Variants in PRKCE observed in about 807,000 individuals in gnomAD.
PRKCE encodes the protein protein kinase C epsilon, also known as protein kinase C epsilon type.
PRKCE carries 16 observed loss-of-function variants against 85.4 expected under a neutral mutation model. That is an observed-to-expected ratio of 0.19 (90% CI 0.13 to 0.28). The LOEUF is 0.28. Ranked by LOEUF, PRKCE falls within the 10% of genes least tolerant of loss-of-function variation. The pLI, the probability that PRKCE is intolerant of heterozygous loss-of-function variation, is 1.00. For missense variants in PRKCE, 573 were observed against 975.2 expected (o/e 0.59, Z 5.49); for synonymous variants, 388 against 371.5 (o/e 1.04, Z -0.51).
At chr2:45,886,403 G>T (rs1695307479) in intron 2 of PRKCE, among the ~76,000 whole-genome samples, 2 of 152,218 alleles carry the variant, frequency 1.3e-5, no homozygotes, top group Non-Finnish European at 2.9e-5. Flanking sequence ...ATGAGATTGT[G>T]TGAAGAGGAT....
At chr2:45,995,393 C>A (rs1273703459) in intron 6 of PRKCE, among the ~76,000 whole-genome samples, 1 of 152,018 alleles carries the variant, frequency 6.6e-6, no homozygotes, top group Non-Finnish European at 1.5e-5. Flanking sequence ...CATGTCCATG[C>A]ATCATGGTGT....
chr2:46,110,334 T>G (rs370922484), intron 11 of PRKCE, among the ~76,000 whole-genome samples: 1 of 152,132 alleles, frequency 6.6e-6, no homozygotes, highest in African/African-American at 2.4e-5. Flanking sequence ...CTTTCTTTTT[T>G]GGGGGAGATT....
chr2:46,085,026 A>G (rs989436244), intron 10 of PRKCE, among the ~76,000 whole-genome samples: 6 of 151,836 alleles, frequency 4.0e-5, no homozygotes, highest in Non-Finnish European at 8.8e-5. Flanking sequence ...CATTTTGTCC[A>G]TTTCCCATCT....
In PRKCE at chr2:45,905,960, C is replaced by T. The variant is rs911094879; in HGVS notation, c.412+62897C>T. On this transcript the variant is annotated intron_variant, in intron 2 of 14. Coordinates refer to ENST00000306156, the MANE Select transcript of PRKCE (RefSeq NM_005400.3). This position sits in a 1 kb window ranked among gnomAD's most constrained non-coding sequence, Gnocchi z 4.4. ...CACATGAAGGGCCGGGGTGGGCAGG[C>T]TATCTTCAGCGGTGATGCGCTTTCA... Among the ~76,000 whole-genome samples, 1 of 152,200 alleles carries T rather than the reference C, an allele frequency of 6.6e-6. No homozygotes were observed.
In PRKCE at chr2:45,907,569, C is replaced by T. The variant is rs147828623; in HGVS notation, c.412+64506C>T. 3.3e-5 allele frequency among the ~76,000 whole-genome samples: 5 copies of T among 152,304 alleles called. No individual in the cohort carries two copies. In the East Asian group the frequency reaches 9.6e-4, roughly 29 times the overall value. On this transcript the variant is annotated intron_variant, in intron 2 of 14. Transcript: ENST00000306156. This position sits in a 1 kb window ranked among gnomAD's most constrained non-coding sequence, Gnocchi z 4.5. ...TGGCATAGCAGGCAGTGAGCGTGTG[C>T]CCAAGCCTGCTTCCCATGTCACGTG... is the stretch of plus-strand genomic sequence containing the variant.
intron 2 of PRKCE, among the ~76,000 whole-genome samples, chr2:45,947,236 G>A (rs997878378): frequency 6.6e-6 from 1 of 152,200 alleles, no homozygotes; most frequent in Non-Finnish European, 1.5e-5. Flanking sequence ...CATATTGTAT[G>A]ATTCTATTTG....
At chr2:46,030,548 C>T (rs1707445179) in intron 10 of PRKCE, among the ~76,000 whole-genome samples, 1 of 152,176 alleles carries the variant, frequency 6.6e-6, no homozygotes, top group Admixed American at 6.5e-5. Context: ...TTCTGAAGTC[C>T]TGTCCCTCCT....
In PRKCE at chr2:45,661,497, G is replaced by GT. The variant is rs1333149314; in HGVS notation, c.348+9057dup. 3.1e-5 allele frequency among the ~76,000 whole-genome samples: 4 copies of GT among 130,930 alleles called. 1 individual carries two copies. The highest frequency in any genetic ancestry group is 8.4e-5 in the African/African-American group (3 of 35,890). 85.9% of individuals were successfully genotyped at this position (130,930 alleles called of 152,430 possible). On this transcript the variant is annotated intron_variant, in intron 1 of 14. Coordinates refer to ENST00000306156, the MANE Select transcript of PRKCE (RefSeq NM_005400.3). The stretch of plus-strand genomic sequence containing the variant: ...GCCACTGCGCCTGGCTTCAAGAAGA[G>GT]TTTTTTTTGTTTTGTTTTGTTTTTT...
chr2:45,925,947 G>C (rs190894301), intron 2 of PRKCE, among the ~76,000 whole-genome samples: 5 of 152,364 alleles, frequency 3.3e-5, no homozygotes, highest in African/African-American at 1.2e-4. Context: ...GCGATTCGGT[G>C]GGGGAGGCAA....
chr2:45,986,303 G>A (rs908165852), intron 6 of PRKCE, among the ~76,000 whole-genome samples: 4 of 152,226 alleles, frequency 2.6e-5, no homozygotes, highest in African/African-American at 4.8e-5. Flanking sequence ...AGGCTAAAGT[G>A]CTAATAGAGG....
At chr2:46,117,426 A>G (rs1051830227) in intron 11 of PRKCE, among the ~76,000 whole-genome samples, 5 of 152,230 alleles carry the variant, frequency 3.3e-5, no homozygotes, top group Non-Finnish European at 7.3e-5. Context: ...CTGTAAAGGA[A>G]AAACCTGATT....
intron 1 of PRKCE, among the ~76,000 whole-genome samples, chr2:45,779,143 T>A (rs1006331860): frequency 2.0e-5 from 3 of 152,232 alleles, no homozygotes; most frequent in Non-Finnish European, 4.4e-5. Context: ...GCACCTAACG[T>A]GCCCAACTAC....
chr2:45,651,889 C>T lies in PRKCE; in HGVS notation c.-212C>T. 1 of 495,760 alleles carries T rather than the reference C, an allele frequency of 2.0e-6. No individual in the cohort carries two copies. Among genetic ancestry groups the T allele is most frequent in the Non-Finnish European group, 3.6e-6 (1 of 281,538 alleles). 30.7% of individuals were successfully genotyped at this position (495,760 alleles called of 1,614,324 possible). ...GGACATCCCCCAGCTCTCCCCCCTC[C>T]CTGTTTTCCGTTAGGAACCCGGCGA... On this transcript the variant is annotated 5_prime_UTR_variant, in exon 1 of 15. Transcript: ENST00000306156.
At position 46,185,047 on chromosome 2, in the gene PRKCE, C is replaced by A. The variant is rs1014977182; in HGVS notation, c.*166C>A. ...CCCTTGCCCCAGGCCACCTCCTCCC[C>A]CTCCCACCTGGTGACCAGAAGGCGC... On this transcript the variant is annotated 3_prime_UTR_variant, in exon 15 of 15. Coordinates refer to ENST00000306156, the MANE Select transcript of PRKCE (RefSeq NM_005400.3). This position sits in a 1 kb window ranked among gnomAD's most constrained non-coding sequence, Gnocchi z 4.7. 3.2e-6 allele frequency: 3 copies of A among 923,984 alleles called. No individual in the cohort carries two copies. Among genetic ancestry groups the A allele is most frequent in the Non-Finnish European group, 4.8e-6 (3 of 629,120 alleles). 57.2% of individuals were successfully genotyped at this position (923,984 alleles called of 1,614,324 possible). A position where few individuals can be genotyped will look rare whatever the true frequency, so the allele number is the denominator to read the frequency against.
intron 1 of PRKCE, among the ~76,000 whole-genome samples, chr2:45,724,855 G>A (rs1296437631): frequency 3.9e-5 from 6 of 152,222 alleles, no homozygotes; most frequent in African/African-American, 7.2e-5. Flanking sequence ...AGTTTATGAC[G>A]TTTAAGGAAA....
At chr2:45,673,242 G>C (rs1188186145) in intron 1 of PRKCE, among the ~76,000 whole-genome samples, 1 of 152,120 alleles carries the variant, frequency 6.6e-6, no homozygotes, top group Non-Finnish European at 1.5e-5. Flanking sequence ...CTTGGAGCAG[G>C]GTTTCCCAAA....
chr2:46,030,326 G>T (rs561249447), intron 10 of PRKCE, among the ~76,000 whole-genome samples: 3 of 152,250 alleles, frequency 2.0e-5, no homozygotes, highest in South Asian at 4.2e-4. Context: ...TAACCCCCAG[G>T]TCCTTTAAAC....
At chr2:46,075,969 A>G (rs1384092019) in intron 10 of PRKCE, among the ~76,000 whole-genome samples, 1 of 152,170 alleles carries the variant, frequency 6.6e-6, no homozygotes, top group Non-Finnish European at 1.5e-5. Flanking sequence ...TGCCCCACGA[A>G]TGGCAATTGA....
At chr2:46,110,520 C>T (rs1158014727) in intron 11 of PRKCE, among the ~76,000 whole-genome samples, 2 of 152,140 alleles carry the variant, frequency 1.3e-5, no homozygotes, top group East Asian at 1.9e-4. Flanking sequence ...TTCACGTTCC[C>T]GTGATCAACA....
Sources: allele counts gnomAD v4.1 joint callset (sites outside exome capture counted in the v4.1 genomes callset), GRCh38; gene constraint gnomAD v4.1.1; non-coding constraint Gnocchi (gnomAD v3.1); transcripts MANE v1.5; gene names NCBI Gene and HGNC (gene_info 2026-07-23, HGNC 2026-07-21).